CNBD2: variants seen among roughly 807,000 people sequenced by gnomAD.
CNBD2 encodes the protein cyclic nucleotide-binding domain-containing protein 2.
CNBD2 carries 64 observed loss-of-function variants against 63.7 expected under a neutral mutation model. That is an observed-to-expected ratio of 1.00 (90% confidence interval 0.82 to 1.24). The LOEUF (loss-of-function observed/expected upper bound fraction) is 1.24, where lower values mean the gene tolerates loss of function less well. CNBD2 is among the 50% of genes most tolerant of loss of function. The pLI, the probability that CNBD2 is intolerant of heterozygous loss-of-function variation, is 0.00. For missense variants in CNBD2, 691 were observed against 713.5 expected, an observed-to-expected ratio of 0.97 and a Z score of 0.36; for synonymous variants, 229 against 255.4, an observed-to-expected ratio of 0.90 and a Z score of 0.99.
chr20:35,967,488 A>G (rs1436222153), upstream of CNBD2, among the ~76,000 whole-genome samples: 2 of 148,926 alleles, frequency 1.3e-5, no homozygotes, highest in Non-Finnish European at 3.0e-5. Flanking sequence ...GCTTCTGTTA[A>G]TTGGATGCTA....
chr20:36,008,689 A>G lies in CNBD2; in HGVS notation c.1148+215A>G, dbSNP rs76592641. On this transcript the variant is annotated intron_variant, in intron 9 of 11. Transcript: ENST00000373973. ...TGTAACTCACAAGGCTACGTCAGGCATTCAGCCACTTCTTTTCTCAGGGCC... is the reference window on the plus strand; with the variant it reads ...TGTAACTCACAAGGCTACGTCAGGCGTTCAGCCACTTCTTTTCTCAGGGCC... Among the ~76,000 whole-genome samples, 1,204 of 152,340 alleles carry G rather than the reference A, an allele frequency of 7.9e-3. 13 individuals are homozygous for G. Among genetic ancestry groups the G allele is most frequent in the African/African-American group, 0.027 (1,136 of 41,570 alleles).
chr20:36,024,597 C>A lies in CNBD2; in HGVS notation c.1439+826C>A, dbSNP rs566696181. 5.9e-5 allele frequency among the ~76,000 whole-genome samples: 9 copies of A among 151,644 alleles called. 1 individual carries two copies. In the South Asian group the frequency reaches 1.9e-3, roughly 32 times the overall value. ...TGAGCCAAAATTACACCATTGCACTCCAGCCTGGGTGGCAGAGCAAGATTC... is the reference window on the plus strand; with the variant it reads ...TGAGCCAAAATTACACCATTGCACTACAGCCTGGGTGGCAGAGCAAGATTC... On this transcript the variant is annotated intron_variant, in intron 11 of 11. Coordinates refer to ENST00000373973, the MANE Select transcript of CNBD2 (RefSeq NM_001365709.1).
downstream of CNBD2, among the ~76,000 whole-genome samples, chr20:35,956,436 A>C (rs1204686572): frequency 6.6e-6 from 1 of 152,208 alleles, no homozygotes; most frequent in African/African-American, 2.4e-5. Context: ...AGTAGAGACG[A>C]CTTCCTTTAG....
Position 35,980,641 on chromosome 20 carries a change from C to A in CNBD2, c.407+19C>A. 1 of 1,611,376 alleles carries A rather than the reference C, an allele frequency of 6.2e-7. No homozygotes were observed. The highest frequency in any genetic ancestry group is 8.5e-7 in the Non-Finnish European group (1 of 1,179,380). ...TTGAACGGTCAGTGAGGGGCACAGC[C>A]CTTGGCCACCAGGCTGAGGCTGGAC... On this transcript the variant is annotated intron_variant, in intron 4 of 11. Transcript: ENST00000373973.
chr20:35,993,275 C>T (rs2056773861), intron 7 of CNBD2, among the ~76,000 whole-genome samples: 1 of 152,162 alleles, frequency 6.6e-6, no homozygotes, highest in Non-Finnish European at 1.5e-5. Flanking sequence ...TTCCACTACT[C>T]CAGAAGGCTC....
At position 36,007,645 on chromosome 20, in the gene CNBD2, C is replaced by G. The variant is rs73618562; in HGVS notation, c.971-652C>G. ...TCATGCAATCCTTCCATCTCAGTGT[C>G]CCCAGTTGCTAGAGCTACAGGTGTG... On this transcript the variant is annotated intron_variant, in intron 8 of 11. Transcript: ENST00000373973. 1.1e-3 allele frequency among the ~76,000 whole-genome samples: 167 copies of G among 152,236 alleles called. 2 individuals are homozygous for G. In the East Asian group the frequency reaches 0.023, roughly 21 times the overall value.
chr20:35,970,840 C>T (rs981408188), intron 1 of CNBD2, among the ~76,000 whole-genome samples: 1 of 152,094 alleles, frequency 6.6e-6, no homozygotes, highest in Non-Finnish European at 1.5e-5. Context: ...CTCGGCCTCC[C>T]GAGTAGCTGG....
At chr20:35,965,002 C>T (rs2056334712), upstream of CNBD2, among the ~76,000 whole-genome samples, 1 of 152,078 alleles carries the variant, frequency 6.6e-6, no homozygotes, top group African/African-American at 2.4e-5. Flanking sequence ...TGCCCGGCCT[C>T]ATATATCTTT....
At chr20:35,993,561 C>G in intron 7 of CNBD2, among the ~76,000 whole-genome samples, 1 of 152,108 alleles carries the variant, frequency 6.6e-6, no homozygotes, top group East Asian at 1.9e-4. Context: ...TATTGAGTTT[C>G]TTAAAAAGTT....
chr20:35,988,666 AG>A (rs565546499), intron 7 of CNBD2, among the ~76,000 whole-genome samples: 236 of 152,262 alleles, frequency 1.5e-3, no homozygotes, highest in African/African-American at 5.5e-3. Flanking sequence ...ACTGCAATGG[AG>A]TCTTGCAGCC....
intron 2 of CNBD2, 134 bp from the exon 3 acceptor site, chr20:35,975,815 G>A (rs917836117): frequency 1.4e-6 from 1 of 701,744 alleles, no homozygotes; most frequent in Non-Finnish European, 2.4e-6. Context: ...AGGCCTGAAA[G>A]GGCCGGCTGC....
intron 7 of CNBD2, among the ~76,000 whole-genome samples, chr20:35,990,394 G>A (rs1394314777): frequency 6.6e-6 from 1 of 152,204 alleles, no homozygotes; most frequent in African/African-American, 2.4e-5. Flanking sequence ...ACTTTGGAAG[G>A]CTGAGATGGA....
chr20:35,975,246 C>T (rs2056490569), intron 2 of CNBD2, among the ~76,000 whole-genome samples: 1 of 136,916 alleles, frequency 7.3e-6, no homozygotes, highest in Non-Finnish European at 1.5e-5. Context: ...CGTGATCCGC[C>T]CGCCTCGGCC....
At chr20:35,959,676 C>T (rs553661476), downstream of CNBD2, among the ~76,000 whole-genome samples, 7 of 152,208 alleles carry the variant, frequency 4.6e-5, no homozygotes, top group South Asian at 2.1e-4. Context: ...GATTTGGGTG[C>T]GGATACAGCC....
chr20:35,997,674 TA>T (rs1421750039), intron 8 of CNBD2, among the ~76,000 whole-genome samples: 10 of 152,184 alleles, frequency 6.6e-5, no homozygotes, highest in Admixed American at 2.0e-4. Flanking sequence ...AATTAATATA[TA>T]AAAACTCTTA....
rs1403980837 is a variant in CNBD2 at position 35,984,031 on chromosome 20, T to G, written c.457T>G (p.Phe153Val). The G allele has an allele frequency of 6.2e-7, 1 of 1,614,190 alleles. No individual in the cohort carries two copies. Among genetic ancestry groups the G allele is most frequent in the Non-Finnish European group, 8.5e-7 (1 of 1,180,022 alleles). Residue 153 changes from phenylalanine to valine, a missense_variant, in exon 5 of 12, where the codon TTT becomes GTT. Physicochemically the swap from Phe to Val is conservative, Grantham distance 50 (BLOSUM62 -1). Coordinates refer to ENST00000373973, the MANE Select transcript of CNBD2 (RefSeq NM_001365709.1). ...IIKKGQKGNS[F>V]YFIYLGTVAI... is the part of the protein sequence containing the mutation. ...CAAGAAGGGGCAGAAGGGCAACAGCTTTTATTTCATCTACCTGGGCACAGT... is the reference window on the plus strand; with the variant it reads ...CAAGAAGGGGCAGAAGGGCAACAGCGTTTATTTCATCTACCTGGGCACAGT...
chr20:36,030,700 G>C lies in CNBD2; in HGVS notation c.*52G>C, dbSNP rs2794385. 0.011 allele frequency: 18,012 copies of C among 1,585,108 alleles called. 1,539 individuals carry two copies. The African/African-American group carries it at 0.2, about 17-fold the overall frequency. On this transcript the variant is annotated 3_prime_UTR_variant, in exon 12 of 12. Transcript: ENST00000373973. ...GGACAAATAAAGGATGGTGGATTGG[G>C]CGCTGTGCTTTCTGAATGACCACCA...
chr20:35,968,845 A>G (rs2056372741), intron 1 of CNBD2, 32 bp downstream of exon 1: 3 of 1,565,332 alleles, frequency 1.9e-6, no homozygotes, highest in Non-Finnish European at 2.6e-6. Context: ...GGGAGGGAAG[A>G]GCAGAAGACT....
chr20:35,958,673 A>G (rs1460259352), downstream of CNBD2, among the ~76,000 whole-genome samples: 3 of 151,354 alleles, frequency 2.0e-5, no homozygotes, highest in African/African-American at 4.9e-5. Context: ...GGTCTATGCA[A>G]TTTTATCGTG....
Sources: gnomAD v4.1 joint callset for allele counts (sites outside exome capture counted in the v4.1 genomes callset) on GRCh38, gnomAD v4.1.1 for gene constraint, MANE v1.5 for transcripts, NCBI Gene and HGNC (gene_info 2026-07-23, HGNC 2026-07-21) for gene names.